COG5: variants seen among roughly 807,000 people sequenced by gnomAD.
COG5 encodes the protein component of oligomeric golgi complex 5, also known as conserved oligomeric Golgi complex subunit 5.
Under a neutral mutation model 110.4 loss-of-function variants are expected in COG5, and 86 were observed. The ratio of observed to expected loss-of-function variants is 0.78; its 90% CI spans 0.65 to 0.93. COG5 has a LOEUF of 0.93. COG5 is among the 40% of genes least tolerant of loss of function. COG5 has a pLI of 0.00. For synonymous variants in COG5, 360 were observed against 334.6 expected, an observed-to-expected ratio of 1.08 and a Z score of -0.83; for missense variants, 1,077 against 987.0, an observed-to-expected ratio of 1.09 and a Z score of -1.22.
At chr7:107,349,564 CT>C (rs553205073) in intron 10 of COG5, among the ~76,000 whole-genome samples, 52 of 140,780 alleles carry the variant, frequency 3.7e-4, no homozygotes, top group East Asian at 4.2e-4. Flanking sequence ...TCATGCTTGG[CT>C]TTTTTTTTTT....
At position 107,203,235 on chromosome 7, in the gene COG5, G is replaced by C. The variant is rs1798488628; in HGVS notation, c.*281C>G. The C allele has an allele frequency of 2.2e-6, 1 of 445,252 alleles. No individual in the cohort carries two copies. The highest frequency in any genetic ancestry group is 4.1e-6 in the Non-Finnish European group (1 of 241,850). The allele number at this position is 445,252 out of a possible 1,614,324, so 27.6% of individuals were successfully genotyped here. On this transcript the variant is annotated 3_prime_UTR_variant, in exon 22 of 22. Transcript: ENST00000297135. ...GGTTTATGTACCCATAGGAGGACTT[G>C]GTTATGGATGGGAAAGACATTTTAG...
intron 6 of COG5, among the ~76,000 whole-genome samples, chr7:107,507,123 G>A (rs1233630001): frequency 6.6e-6 from 1 of 152,136 alleles, no homozygotes; most frequent in Non-Finnish European, 1.5e-5. Flanking sequence ...CTGTAGGGGT[G>A]TGTATCCTGG....
intron 14 of COG5, among the ~76,000 whole-genome samples, chr7:107,259,187 C>T (rs954982713): frequency 6.6e-6 from 1 of 151,800 alleles, no homozygotes; most frequent in African/African-American, 2.4e-5. Flanking sequence ...AGATTTTAAT[C>T]CAATCCTTTA....
chr7:107,519,815 A>G (rs1217376202), intron 6 of COG5, among the ~76,000 whole-genome samples: 3 of 52,756 alleles, frequency 5.7e-5, no homozygotes, highest in Non-Finnish European at 1.6e-4. Context: ...TCACTCTGAT[A>G]CCAAAATCTG....
intron 11 of COG5, among the ~76,000 whole-genome samples, chr7:107,304,755 C>T (rs867762548): frequency 2.0e-4 from 30 of 152,136 alleles, no homozygotes; most frequent in African/African-American, 6.3e-4. Flanking sequence ...AAACTGGCTG[C>T]GGTCTGGCCA....
intron 19 of COG5, among the ~76,000 whole-genome samples, chr7:107,218,018 A>C (rs1364869410): frequency 6.6e-6 from 1 of 152,120 alleles, no homozygotes; most frequent in Non-Finnish European, 1.5e-5. Context: ...GTCCCAGGAT[A>C]CAAAATTAAG....
intron 11 of COG5, among the ~76,000 whole-genome samples, chr7:107,320,041 T>A (rs1194181357): frequency 6.6e-6 from 1 of 152,112 alleles, no homozygotes. Flanking sequence ...AACACTCTGA[T>A]GTTGTAGAGT....
chr7:107,286,163 G>T (rs909405703), intron 12 of COG5, among the ~76,000 whole-genome samples: 1 of 152,110 alleles, frequency 6.6e-6, no homozygotes, highest in Admixed American at 6.5e-5. Flanking sequence ...AAGTACAAAG[G>T]CCCTGAGGAG....
intron 6 of COG5, among the ~76,000 whole-genome samples, chr7:107,417,572 C>T (rs530695465): frequency 2.0e-5 from 3 of 151,666 alleles, no homozygotes; most frequent in South Asian, 2.1e-4. Flanking sequence ...GAATCAAAGA[C>T]AGAATTATTG....
intron 3 of COG5, among the ~76,000 whole-genome samples, chr7:107,550,913 C>A (rs1452633692): frequency 6.6e-6 from 1 of 151,354 alleles, no homozygotes; most frequent in East Asian, 1.9e-4. Context: ...TTATCTACCT[C>A]CAGGACCAGA....
At chr7:107,367,475 T>G (rs1226641470) in intron 8 of COG5, among the ~76,000 whole-genome samples, 1 of 152,022 alleles carries the variant, frequency 6.6e-6, no homozygotes, top group African/African-American at 2.4e-5. Context: ...CATGTGTATG[T>G]ATATCACAAT....
At chr7:107,563,300 GA>G (rs142660332) in intron 1 of COG5, among the ~76,000 whole-genome samples, 10 of 148,282 alleles carry the variant, frequency 6.7e-5, no homozygotes, top group East Asian at 3.9e-4. Context: ...CATAAAGGAG[GA>G]AAAAAAAAAC....
intron 10 of COG5, among the ~76,000 whole-genome samples, chr7:107,347,697 C>A (rs972028978): frequency 6.6e-6 from 1 of 152,098 alleles, no homozygotes. Flanking sequence ...ATAAATAGTA[C>A]AATTGTTATG....
chr7:107,311,369 C>CTTTTT (rs1363120352), intron 11 of COG5, among the ~76,000 whole-genome samples: 5 of 82,682 alleles, frequency 6.0e-5, no homozygotes, highest in African/African-American at 1.8e-4. Context: ...AGCGTATTTA[C>CTTTTT]ATTTTTTTTT....
At position 107,415,965 on chromosome 7, in the gene COG5, C is replaced by T. The variant is rs1328783747; in HGVS notation, c.539-3333G>A. Among the ~76,000 whole-genome samples, 158 of 79,114 alleles carry T rather than the reference C, an allele frequency of 2.0e-3. 17 individuals are homozygous for T. Among genetic ancestry groups the T allele is most frequent in the African/African-American group, 6.1e-3 (151 of 24,778 alleles). 51.9% of individuals were successfully genotyped at this position (79,114 alleles called of 152,430 possible). On this transcript the variant is annotated intron_variant, in intron 6 of 21. Coordinates refer to ENST00000297135, the MANE Select transcript of COG5 (RefSeq NM_006348.5). ...GTATGTATGTATGTGTGTGTATATACACACACATACACGTATGTATATATG... is the reference window on the plus strand; with the variant it reads ...GTATGTATGTATGTGTGTGTATATATACACACATACACGTATGTATATATG...
rs370071599 is a variant in COG5 at position 107,342,862 on chromosome 7, A to G, written c.1027-18341T>C. 5.9e-5 allele frequency among the ~76,000 whole-genome samples: 9 copies of G among 152,356 alleles called. No individual in the cohort carries two copies. The South Asian group carries it at 1.2e-3, about 21-fold the overall frequency. ...TACTATTCAACCCAGCAATCCCATT[A>G]TTAGGTATATATTCAAAATAAAATA... On this transcript the variant is annotated intron_variant, in intron 10 of 21. Coordinates refer to ENST00000297135, the MANE Select transcript of COG5 (RefSeq NM_006348.5).
chr7:107,522,555 C>G (rs1260276948), intron 6 of COG5, among the ~76,000 whole-genome samples: 1 of 151,914 alleles, frequency 6.6e-6, no homozygotes, highest in East Asian at 1.9e-4. Flanking sequence ...TGTAACAAAC[C>G]TGCATGTTCT....
chr7:107,211,120 A>C lies in COG5; in HGVS notation c.2274T>G (p.Ala758=), dbSNP rs1799130516. 1.9e-6 allele frequency: 3 copies of C among 1,614,180 alleles called. No individual in the cohort carries two copies. Among genetic ancestry groups the C allele is most frequent in the African/African-American group, 1.3e-5 (1 of 75,058 alleles). ...TTACCTGGAAAGGAGATTTCAGTTC[A>C]GCGGGTGCTCTCGTGAACAAAAACT... is the stretch of plus-strand genomic sequence containing the variant. ...IIQFLFTRAP[A]ELKSPFQRAE... The change falls in exon 20 of 22, where the codon GCT becomes GCG. Residue 758 remains alanine (A), a synonymous_variant. Transcript: ENST00000297135.
At position 107,545,910 on chromosome 7, in the gene COG5, C is replaced by A. The variant is rs878935737; in HGVS notation, c.417+2201G>T. 3.3e-5 allele frequency among the ~76,000 whole-genome samples: 5 copies of A among 151,582 alleles called. No homozygotes were observed. In the East Asian group the frequency reaches 7.7e-4, roughly 23 times the overall value. On this transcript the variant is annotated intron_variant, in intron 5 of 21. Coordinates refer to ENST00000297135, the MANE Select transcript of COG5 (RefSeq NM_006348.5). ...TACAGAACACTCCGTCCAACAGCAG[C>A]GGAATACACATTCTTCTCAAATGCA...
Sources: allele counts gnomAD v4.1 joint callset (sites outside exome capture counted in the v4.1 genomes callset), GRCh38; gene constraint gnomAD v4.1.1; transcripts MANE v1.5; gene names NCBI Gene and HGNC (gene_info 2026-07-23, HGNC 2026-07-21).